Variants in ADGRV1 observed in about 807,000 individuals in gnomAD.
The protein encoded by ADGRV1 is G-protein coupled receptor 98.
In ADGRV1, 359 loss-of-function variants were observed where a neutral mutation model predicts 596.2. The ratio of observed to expected loss-of-function variants is 0.60; its 90% CI spans 0.55 to 0.66. ADGRV1 has a LOEUF of 0.66. ADGRV1 is among the 30% of genes least tolerant of loss of function. The pLI is 0.00. For missense variants in ADGRV1, 7,274 were observed against 7,575.6 expected, an observed-to-expected ratio of 0.96 and a Z score of 1.48; for synonymous variants, 2,681 against 2,679.2, an observed-to-expected ratio of 1.00 and a Z score of -0.02.
chr5:90,574,332 T>C, intron 1 of ADGRV1, among the ~76,000 whole-genome samples: 1 of 152,142 alleles, frequency 6.6e-6, no homozygotes, highest in South Asian at 2.1e-4. Flanking sequence ...TTTCTTTCAG[T>C]AATGTTTTGT....
intron 83 of ADGRV1, among the ~76,000 whole-genome samples, chr5:90,926,440 C>G (rs1180006186): frequency 1.1e-4 from 16 of 147,350 alleles, no homozygotes; most frequent in South Asian, 4.4e-4. Flanking sequence ...GTAGTATTCT[C>G]TGATGGTAGT....
intron 83 of ADGRV1, among the ~76,000 whole-genome samples, chr5:90,923,143 A>T (rs1774050339): frequency 6.6e-6 from 1 of 152,192 alleles, no homozygotes; most frequent in Non-Finnish European, 1.5e-5. Flanking sequence ...ACTTGTGAGC[A>T]TTACATGAAT....
intron 78 of ADGRV1, among the ~76,000 whole-genome samples, chr5:90,845,645 A>T (rs1440838649): frequency 6.6e-6 from 1 of 151,958 alleles, no homozygotes; most frequent in Non-Finnish European, 1.5e-5. Context: ...AATCACCCAA[A>T]TATATCTGGT....
At chr5:90,787,590 C>CTTTT (rs35504697) in intron 67 of ADGRV1, among the ~76,000 whole-genome samples, 189 of 118,806 alleles carry the variant, frequency 1.6e-3, no homozygotes, top group African/African-American at 2.5e-3. Flanking sequence ...TTCTTTCTTT[C>CTTTT]TTTTTTTTTT....
At position 91,001,024 on chromosome 5, in the gene ADGRV1, A is replaced by T. The variant is rs184802777; in HGVS notation, c.18152+15502A>T. 1.6e-3 allele frequency among the ~76,000 whole-genome samples: 239 copies of T among 152,278 alleles called. 3 individuals are homozygous for T. Among genetic ancestry groups the T allele is most frequent in the Admixed American group, 7.4e-3 (113 of 15,284 alleles). Reference sequence around the variant, plus strand: ...TCATCTAAAACCATTCTTACAAAAAACACCCAGAATAATGTTTGACCAAAT... The same window carrying T: ...TCATCTAAAACCATTCTTACAAAAATCACCCAGAATAATGTTTGACCAAAT... On this transcript the variant is annotated intron_variant, in intron 85 of 89. Transcript: ENST00000405460.
At chr5:91,154,973 A>G (rs1796357008) in intron 89 of ADGRV1, among the ~76,000 whole-genome samples, 1 of 152,218 alleles carries the variant, frequency 6.6e-6, no homozygotes. Flanking sequence ...TGACTCTTAC[A>G]ATTCAAGATG....
chr5:90,651,675 T>G lies in ADGRV1; in HGVS notation c.3361T>G (p.Phe1121Val). The G allele has an allele frequency of 6.2e-7, 1 of 1,612,888 alleles. No homozygotes were observed. ...AGCTAATGATGACCCAAATGGCATT[T>G]TTTCTCTGGAGCCCATAGACAAAGC... ...IEANDDPNGI[F>V]SLEPIDKAVE... Residue 1121 changes from phenylalanine (F) to valine (V), a missense_variant, in exon 18 of 90, where the codon TTT becomes GTT. Around this residue, in one of 5 missense-constraint regions of ADGRV1, gnomAD observed 1,715 missense variants for 1,708.8 expected, o/e 1.00. Coordinates refer to ENST00000405460, the MANE Select transcript of ADGRV1 (RefSeq NM_032119.4).
intron 7 of ADGRV1, among the ~76,000 whole-genome samples, chr5:90,628,232 A>AAATAAAATAAAATAC (rs1765050070): frequency 7.0e-6 from 1 of 142,486 alleles, no homozygotes; most frequent in Admixed American, 6.8e-5. Flanking sequence ...AAATAAAATA[A>AAATAAAATAAAATAC]AATAAAATAA....
chr5:91,117,644 C>T (rs193031455), intron 87 of ADGRV1, among the ~76,000 whole-genome samples: 1 of 152,314 alleles, frequency 6.6e-6, no homozygotes, highest in African/African-American at 2.4e-5. Context: ...TTGGAAACCT[C>T]AGTTTTGCCT....
intron 60 of ADGRV1, 125 bp downstream of exon 60, chr5:90,774,428 A>T (rs1291654410): frequency 6.6e-6 from 4 of 606,808 alleles, no homozygotes; most frequent in Non-Finnish European, 1.2e-5. Context: ...TAAAGATACC[A>T]TTTTCCACAT....
intron 87 of ADGRV1, among the ~76,000 whole-genome samples, chr5:91,103,388 A>G (rs982544064): frequency 6.6e-6 from 1 of 151,386 alleles, no homozygotes; most frequent in Non-Finnish European, 1.5e-5. Flanking sequence ...CTGATGATTC[A>G]AAGAGTGAAC....
chr5:91,127,779 A>G (rs951515520), intron 87 of ADGRV1, among the ~76,000 whole-genome samples: 2 of 152,274 alleles, frequency 1.3e-5, no homozygotes, highest in South Asian at 2.1e-4. Flanking sequence ...CTCTGTTTTC[A>G]TAATACAAAT....
intron 75 of ADGRV1, among the ~76,000 whole-genome samples, chr5:90,822,387 A>C (rs897018978): frequency 6.6e-6 from 1 of 152,066 alleles, no homozygotes; most frequent in East Asian, 1.9e-4. Context: ...TGCGTTGCTC[A>C]CGCTGGGAGC....
intron 84 of ADGRV1, among the ~76,000 whole-genome samples, chr5:90,975,380 T>A (rs559713601): frequency 2.6e-5 from 4 of 152,306 alleles, no homozygotes; most frequent in South Asian, 4.1e-4. Context: ...TAAATCATGC[T>A]GCTATAAAGA....
intron 86 of ADGRV1, chr5:91,091,585 G>C (rs1790387699): frequency 6.6e-6 from 1 of 152,066 alleles, no homozygotes; most frequent in African/African-American, 2.4e-5. Flanking sequence ...AAACAACTAT[G>C]TAAATTGTGT....
chr5:90,920,778 C>A (rs1204275995), intron 83 of ADGRV1, among the ~76,000 whole-genome samples: 1 of 152,146 alleles, frequency 6.6e-6, no homozygotes, highest in East Asian at 1.9e-4. Flanking sequence ...GAATTTTACA[C>A]ATTCCATTTT....
At chr5:91,105,065 C>T (rs996115946) in intron 87 of ADGRV1, among the ~76,000 whole-genome samples, 17 of 151,908 alleles carry the variant, frequency 1.1e-4, no homozygotes, top group African/African-American at 3.4e-4. Flanking sequence ...GACAGGGTTT[C>T]GCCATGTTTC....
intron 59 of ADGRV1, among the ~76,000 whole-genome samples, chr5:90,771,958 A>G (rs1456235965): frequency 6.6e-6 from 1 of 152,142 alleles, no homozygotes; most frequent in Non-Finnish European, 1.5e-5. Flanking sequence ...CAGAACATTT[A>G]TTACTATCTT....
intron 88 of ADGRV1, among the ~76,000 whole-genome samples, chr5:91,152,646 ATTTTGTTTTG>A (rs1470934726): frequency 1.3e-5 from 2 of 152,176 alleles, no homozygotes; most frequent in South Asian, 2.1e-4. Context: ...AAGTTGTTTT[ATTTTGTTTTG>A]TTTTGTTTTT....
Sources: allele counts gnomAD v4.1 joint callset (sites outside exome capture counted in the v4.1 genomes callset), GRCh38; gene constraint gnomAD v4.1.1; regional missense constraint gnomAD v4.1.1; transcripts MANE v1.5; gene names NCBI Gene and HGNC (gene_info 2026-07-23, HGNC 2026-07-21).